Variants in MRPL48 observed in about 807,000 individuals in gnomAD.
The protein encoded by MRPL48 is mitochondrial ribosomal protein L48, also known as large ribosomal subunit protein mL48.
A neutral mutation model predicts 32.9 loss-of-function variants in MRPL48; 16 were observed. The observed-to-expected ratio is 0.49, with a 90% CI of 0.33 to 0.74. The LOEUF (loss-of-function observed/expected upper bound fraction) is 0.74. Ranked by LOEUF, MRPL48 falls within the 30% of genes least tolerant of loss-of-function variation. The pLI is 0.02. For synonymous variants in MRPL48, 94 were observed against 89.2 expected (o/e 1.05, Z -0.31); for missense variants, 206 against 245.3 (o/e 0.84, Z 1.07).
chr11:73,834,536 T>G (rs78752364), intron 4 of MRPL48, among the ~76,000 whole-genome samples: 8,060 of 150,778 alleles, frequency 0.053, 248 homozygotes, highest in Middle Eastern at 0.11. Flanking sequence ...TGGTTTTTTT[T>G]TTTGTTTTTT....
intron 4 of MRPL48, among the ~76,000 whole-genome samples, chr11:73,833,925 T>A (rs532214558): frequency 6.6e-6 from 1 of 152,274 alleles, no homozygotes; most frequent in South Asian, 2.1e-4. Flanking sequence ...GGCATGATTA[T>A]GGCTCACTGC....
chr11:73,787,886 C>T lies in MRPL48; in HGVS notation c.-86C>T. The T allele has an allele frequency of 2.0e-6, 3 of 1,529,782 alleles. No homozygotes were observed. The highest frequency in any genetic ancestry group is 2.7e-6 in the Non-Finnish European group (3 of 1,127,718). 94.8% of individuals were successfully genotyped at this position (1,529,782 alleles called of 1,614,324 possible). On this transcript the variant is annotated 5_prime_UTR_variant, in exon 1 of 8. Transcript: ENST00000310614. ...GCTGCTGCACCTGGTCAAGGCCGTT[C>T]CTTCAGTGTTTTCAGACGCCCTGGG...
At chr11:73,812,652 T>A (rs1947586467) in intron 3 of MRPL48, among the ~76,000 whole-genome samples, 2 of 151,318 alleles carry the variant, frequency 1.3e-5, no homozygotes. Context: ...TGTACCGCAC[T>A]TTGATTTTGC....
In MRPL48 at chr11:73,804,982, T is replaced by C. The variant is rs773369674; in HGVS notation, c.22-45T>C. 4.5e-6 allele frequency: 7 copies of C among 1,547,104 alleles called. No individual in the cohort carries two copies. In the South Asian group the frequency reaches 8.3e-5, roughly 18 times the overall value. On this transcript the variant is annotated intron_variant, in intron 1 of 7. Coordinates refer to ENST00000310614, the MANE Select transcript of MRPL48 (RefSeq NM_016055.6). ...CTCTCTGAGAAGACATACTTGGAGG[T>C]CTATAAATGCTTAAGATTGTCCTAA...
At chr11:73,861,358 GT>G (rs139908562) in intron 6 of MRPL48, among the ~76,000 whole-genome samples, 2 of 150,600 alleles carry the variant, frequency 1.3e-5, no homozygotes, top group Non-Finnish European at 3.0e-5. Flanking sequence ...GAGCTAGTTT[GT>G]TTTTTTTTGT....
chr11:73,791,579 G>A (rs1053831069), intron 1 of MRPL48, among the ~76,000 whole-genome samples: 1 of 151,902 alleles, frequency 6.6e-6, no homozygotes, highest in Non-Finnish European at 1.5e-5. Flanking sequence ...ACCGTGCCTG[G>A]CTAATTTTTT....
At chr11:73,811,078 AAG>A (rs1319894467) in intron 3 of MRPL48, among the ~76,000 whole-genome samples, 7 of 152,194 alleles carry the variant, frequency 4.6e-5, no homozygotes, top group African/African-American at 1.7e-4. Flanking sequence ...GAAGCTGAGA[AAG>A]AGAGACCATA....
chr11:73,856,552 G>A (rs1948484618), intron 5 of MRPL48, among the ~76,000 whole-genome samples: 1 of 152,176 alleles, frequency 6.6e-6, no homozygotes, highest in African/African-American at 2.4e-5. Context: ...TCACTCATCT[G>A]GGAGCAGCTT....
chr11:73,846,620 A>G (rs931568280), intron 5 of MRPL48, among the ~76,000 whole-genome samples: 2 of 151,726 alleles, frequency 1.3e-5, no homozygotes, highest in African/African-American at 4.8e-5. Context: ...CAGCCTCCCA[A>G]AGTGCTGGGA....
At chr11:73,844,768 T>G (rs1159622659) in intron 4 of MRPL48, 39 bp from the exon 5 acceptor site, 4 of 1,578,374 alleles carry the variant, frequency 2.5e-6, no homozygotes, top group Non-Finnish European at 3.4e-6. Context: ...ATTTCTTGTA[T>G]AATACTTTAT....
At chr11:73,819,387 T>C (rs1315459039) in intron 3 of MRPL48, among the ~76,000 whole-genome samples, 1 of 152,248 alleles carries the variant, frequency 6.6e-6, no homozygotes, top group African/African-American at 2.4e-5. Context: ...AAATTACAGA[T>C]AGATGATTGA....
intron 1 of MRPL48, among the ~76,000 whole-genome samples, chr11:73,801,147 T>C (rs1947356864): frequency 6.6e-6 from 1 of 152,180 alleles, no homozygotes; most frequent in African/African-American, 2.4e-5. Flanking sequence ...TTTTAGATAA[T>C]TAAAACCTTG....
chr11:73,826,000 G>A (rs1481425308), intron 4 of MRPL48, among the ~76,000 whole-genome samples: 1 of 152,060 alleles, frequency 6.6e-6, no homozygotes, highest in African/African-American at 2.4e-5. Context: ...GGTTATAATA[G>A]TAAAAAGCAA....
intron 1 of MRPL48, among the ~76,000 whole-genome samples, chr11:73,788,801 C>G (rs756233943): frequency 1.3e-5 from 2 of 152,178 alleles, no homozygotes; most frequent in Non-Finnish European, 2.9e-5. Context: ...TTTCCAAAAC[C>G]TTATTTAAGT....
At chr11:73,819,156 CA>C (rs1947729069) in intron 3 of MRPL48, among the ~76,000 whole-genome samples, 1 of 152,094 alleles carries the variant, frequency 6.6e-6, no homozygotes, top group Admixed American at 6.6e-5. Context: ...GTAATTTGAC[CA>C]AAACCTTTCA....
At chr11:73,804,647 T>TA (rs1308295016) in intron 1 of MRPL48, among the ~76,000 whole-genome samples, 2 of 152,194 alleles carry the variant, frequency 1.3e-5, no homozygotes, top group Non-Finnish European at 2.9e-5. Context: ...TTGCTTTACT[T>TA]ACGAAATTGT....
At chr11:73,860,237 G>T in intron 6 of MRPL48, 1 of 424,410 alleles carries the variant, frequency 2.4e-6, no homozygotes, top group Non-Finnish European at 4.3e-6. Context: ...ACCCCCAGAT[G>T]TATATATCTC....
In MRPL48 at chr11:73,800,091, G is replaced by C. The variant is rs139583816; in HGVS notation, c.22-4936G>C. Among the ~76,000 whole-genome samples the C allele has an allele frequency of 2.3e-3, 349 of 152,066 alleles. 2 individuals carry two copies. The highest frequency in any genetic ancestry group is 7.9e-3 in the African/African-American group (329 of 41,480). On this transcript the variant is annotated intron_variant, in intron 1 of 7. Transcript: ENST00000310614. Reference sequence around the variant, plus strand: ...CAGTTATCTCAATAATGCCCCATCAGAGAGGGTTGCTGTAACAATTAATTG... The same window carrying C: ...CAGTTATCTCAATAATGCCCCATCACAGAGGGTTGCTGTAACAATTAATTG...
At chr11:73,859,842 A>G in intron 5 of MRPL48, 65 bp from the exon 6 acceptor site, 1 of 1,355,508 alleles carries the variant, frequency 7.4e-7, no homozygotes, top group Non-Finnish European at 1.0e-6. Context: ...CTCATGGACT[A>G]CTATGATTGA....
Sources: gnomAD v4.1 joint callset for allele counts (sites outside exome capture counted in the v4.1 genomes callset) on GRCh38, gnomAD v4.1.1 for gene constraint, MANE v1.5 for transcripts, NCBI Gene and HGNC (gene_info 2026-07-23, HGNC 2026-07-21) for gene names.